Variants in SPIN1 observed in about 807,000 individuals in gnomAD.
SPIN1 encodes the protein spindlin 1, also known as spindlin-1.
SPIN1 carries 3 observed loss-of-function variants against 26.0 expected under a neutral mutation model. The observed-to-expected ratio is 0.12, with a 90% CI of 0.05 to 0.30. The LOEUF is 0.30. Among genes scored for constraint, SPIN1 ranks in the 10% least tolerant of loss-of-function variants. The pLI, the probability that SPIN1 is intolerant of heterozygous loss-of-function variation, is 1.00. For synonymous variants in SPIN1, 101 were observed against 116.5 expected, an observed-to-expected ratio of 0.87 and a Z score of 0.86; for missense variants, 126 against 333.4, an observed-to-expected ratio of 0.38 and a Z score of 4.84.
chr9:88,461,730 G>C (rs1326134542), intron 3 of SPIN1, among the ~76,000 whole-genome samples: 2 of 152,112 alleles, frequency 1.3e-5, no homozygotes, highest in Non-Finnish European at 2.9e-5. Context: ...AAGAAGCCAG[G>C]GTTTTAAGGT....
In SPIN1 at chr9:88,412,552, C is replaced by T. The variant is rs78276443; in HGVS notation, c.-158-13830C>T. ...TGGACCGTTTGCCAGTTTTATGAAA[C>T]CTATGGATGCCTTTTCAGAATCTTC... On this transcript the variant is annotated intron_variant, in intron 1 of 5. Transcript: ENST00000375859. 7.8e-3 allele frequency among the ~76,000 whole-genome samples: 1,194 copies of T among 152,196 alleles called. 7 individuals carry two copies. Among genetic ancestry groups the T allele is most frequent in the Non-Finnish European group, 0.012 (793 of 68,004 alleles).
At chr9:88,421,277 C>T (rs763795476) in intron 1 of SPIN1, among the ~76,000 whole-genome samples, 6 of 151,836 alleles carry the variant, frequency 4.0e-5, no homozygotes, top group Non-Finnish European at 7.4e-5. Flanking sequence ...TAAATTTTCC[C>T]AGTTGTCTTA....
chr9:88,439,362 C>T (rs911236333), intron 2 of SPIN1, among the ~76,000 whole-genome samples: 2 of 152,116 alleles, frequency 1.3e-5, no homozygotes, highest in East Asian at 1.9e-4. Flanking sequence ...GCTAGTGACA[C>T]CTTTGCTTTC....
At chr9:88,442,879 T>G (rs1232424614) in intron 2 of SPIN1, among the ~76,000 whole-genome samples, 1 of 151,766 alleles carries the variant, frequency 6.6e-6, no homozygotes, top group Non-Finnish European at 1.5e-5. Flanking sequence ...CCCAGCACTT[T>G]GGGAGGCTGA....
At chr9:88,470,360 A>T (rs1389823045) in intron 5 of SPIN1, among the ~76,000 whole-genome samples, 1 of 152,050 alleles carries the variant, frequency 6.6e-6, no homozygotes, top group Non-Finnish European at 1.5e-5. Flanking sequence ...CATAATGGTA[A>T]CTCTATGTTT....
chr9:88,449,278 T>A (rs1828312216), intron 3 of SPIN1, among the ~76,000 whole-genome samples: 1 of 151,974 alleles, frequency 6.6e-6, no homozygotes. Flanking sequence ...GGTGAACCTC[T>A]CCCTCTTCTC....
chr9:88,450,496 C>T (rs891465131), intron 3 of SPIN1, among the ~76,000 whole-genome samples: 1 of 152,062 alleles, frequency 6.6e-6, no homozygotes, highest in African/African-American at 2.4e-5. Context: ...TATTATAATG[C>T]GTTTTGTGCA....
At chr9:88,406,292 AT>A (rs34100420) in intron 1 of SPIN1, among the ~76,000 whole-genome samples, 40,179 of 135,198 alleles carry the variant, frequency 0.3, 10,310 homozygotes, top group African/African-American at 0.75. Flanking sequence ...ATATACTAGA[AT>A]TTTTTTTTTT....
At chr9:88,412,382 G>A (rs959033301) in intron 1 of SPIN1, among the ~76,000 whole-genome samples, 1 of 152,218 alleles carries the variant, frequency 6.6e-6, no homozygotes, top group East Asian at 1.9e-4. Flanking sequence ...TTTTGTAGCT[G>A]TTGGGAGGAT....
chr9:88,404,258 A>G (rs977479864), intron 1 of SPIN1, among the ~76,000 whole-genome samples: 9 of 152,198 alleles, frequency 5.9e-5, no homozygotes, highest in African/African-American at 2.2e-4. Flanking sequence ...ATTATTGTGC[A>G]CTATTGTAGA....
At chr9:88,445,714 T>C (rs1828238325) in intron 2 of SPIN1, among the ~76,000 whole-genome samples, 1 of 151,510 alleles carries the variant, frequency 6.6e-6, no homozygotes, top group South Asian at 2.1e-4. Flanking sequence ...TCCCCCCGTA[T>C]TTTTGGCAGA....
At chr9:88,395,464 T>A (rs1827033750) in intron 1 of SPIN1, among the ~76,000 whole-genome samples, 1 of 152,116 alleles carries the variant, frequency 6.6e-6, no homozygotes, top group South Asian at 2.1e-4. Context: ...GTTTATATTC[T>A]CTTGGCTGTT....
At chr9:88,410,958 T>G in intron 1 of SPIN1, 1 of 1,236,724 alleles carries the variant, frequency 8.1e-7, no homozygotes. Flanking sequence ...CCATTCACAG[T>G]ATGATATTTC....
chr9:88,394,904 G>A (rs1370090587), intron 1 of SPIN1, among the ~76,000 whole-genome samples: 1 of 150,666 alleles, frequency 6.6e-6, no homozygotes, highest in Non-Finnish European at 1.5e-5. Flanking sequence ...CCGCCTCCCG[G>A]GTTCACGCCA....
intron 2 of SPIN1, among the ~76,000 whole-genome samples, chr9:88,432,445 C>T (rs1827901331): frequency 6.6e-5 from 10 of 151,362 alleles, no homozygotes; most frequent in Admixed American, 6.6e-4. Context: ...ACTTCTGCCT[C>T]CCAAAGTGCT....
chr9:88,452,109 C>T (rs921877394), intron 3 of SPIN1, among the ~76,000 whole-genome samples: 2 of 152,078 alleles, frequency 1.3e-5, no homozygotes, highest in Non-Finnish European at 2.9e-5. Context: ...GATTTCTTTC[C>T]TCCCATTTTA....
At chr9:88,411,239 C>T (rs1827436518) in intron 1 of SPIN1, 10 of 1,147,886 alleles carry the variant, frequency 8.7e-6, no homozygotes, top group Non-Finnish European at 1.3e-5. Flanking sequence ...CTTGTGTGGC[C>T]TTGCATTCAT....
rs923752189 is a variant in SPIN1, at chr9:88,467,847, A to T, written c.356-525A>T. ...AGGAAAACAAACACCAATTTCTTTA[A>T]AAAAAAAAAACAAAAAAAAAACCCT... On this transcript the variant is annotated intron_variant, in intron 4 of 5. Transcript: ENST00000375859. Among the ~76,000 whole-genome samples the T allele has an allele frequency of 4.9e-5, 7 of 141,766 alleles. No individual in the cohort carries two copies. In the South Asian group the frequency reaches 1.4e-3, roughly 29 times the overall value. 93.0% of individuals were successfully genotyped at this position (141,766 alleles called of 152,430 possible).
intron 2 of SPIN1, among the ~76,000 whole-genome samples, chr9:88,447,405 G>A (rs533928685): frequency 4.3e-4 from 65 of 151,968 alleles, no homozygotes; most frequent in South Asian, 8.3e-4. Flanking sequence ...ATTTTTGTTG[G>A]TGTTGAACAT....
Sources: gnomAD v4.1 joint callset for allele counts (sites outside exome capture counted in the v4.1 genomes callset) on GRCh38, gnomAD v4.1.1 for gene constraint, MANE v1.5 for transcripts, NCBI Gene and HGNC (gene_info 2026-07-23, HGNC 2026-07-21) for gene names.